Variants in ANKRD13A observed in about 807,000 individuals in gnomAD.
ANKRD13A encodes ankyrin repeat domain-containing protein 13A.
ANKRD13A carries 48 observed loss-of-function variants against 81.3 expected under a neutral mutation model. That is an observed-to-expected ratio of 0.59 (90% CI 0.47 to 0.75). The LOEUF (loss-of-function observed/expected upper bound fraction) is 0.75, where lower values mean the gene tolerates loss of function less well. Among genes scored for constraint, ANKRD13A ranks in the 30% least tolerant of loss-of-function variants. The pLI is 0.00. For synonymous variants in ANKRD13A, 230 were observed against 270.1 expected (o/e 0.85, Z 1.45); for missense variants, 612 against 734.0 (o/e 0.83, Z 1.92).
At position 110,012,876 on chromosome 12, in the gene ANKRD13A, A is replaced by G. The variant is rs190681274; in HGVS notation, c.230-249A>G. Among the ~76,000 whole-genome samples, 320 of 152,272 alleles carry G rather than the reference A, an allele frequency of 2.1e-3. 1 individual carries two copies. The highest frequency in any genetic ancestry group is 3.6e-3 in the Non-Finnish European group (242 of 68,018). On this transcript the variant is annotated intron_variant, in intron 2 of 14. Transcript: ENST00000261739. Reference sequence around the variant, plus strand: ...CCAACTGTCTAAACACATTATCAGGATTTCGCAACCAGTGGTAAGAATAGG... The same window carrying G: ...CCAACTGTCTAAACACATTATCAGGGTTTCGCAACCAGTGGTAAGAATAGG...
intron 1 of ANKRD13A, among the ~76,000 whole-genome samples, chr12:110,011,580 A>G (rs1057423954): frequency 6.6e-6 from 1 of 152,198 alleles, no homozygotes; most frequent in African/African-American, 2.4e-5. Flanking sequence ...CTGTGCTTTC[A>G]GTTTTGATTA....
intron 10 of ANKRD13A, chr12:110,029,040 C>T (rs904128079): frequency 5.6e-6 from 1 of 178,476 alleles, no homozygotes; most frequent in African/African-American, 2.4e-5. Flanking sequence ...CCAGCCTCCT[C>T]TGCCCCTTTT....
rs142742962 is a variant in ANKRD13A at position 110,033,804 on chromosome 12, C to G, written c.1356C>G (p.His452Gln). The G allele has an allele frequency of 7.9e-5, 126 of 1,598,882 alleles. No individual in the cohort carries two copies. In the African/African-American group the frequency reaches 1.7e-3, roughly 21 times the overall value. ...GGTTGCCTTTTGTTTCAGCTTCCCA[C>G]ATCACAAACTTTGAGGTTGATCAAT... is the stretch of plus-strand genomic sequence containing the variant. ...VEGTQADSAS[H>Q]ITNFEVDQSV... Residue 452 changes from histidine (H) to glutamine (Q), a missense_variant, in exon 13 of 15, where the codon CAC becomes CAG. By Grantham distance (24) the His-to-Gln change is conservative. Transcript: ENST00000261739.
intron 6 of ANKRD13A, 128 bp downstream of exon 6, chr12:110,019,456 G>A (rs2137127866): frequency 3.5e-6 from 3 of 858,534 alleles, no homozygotes; most frequent in East Asian, 2.9e-5. Flanking sequence ...ACACTAGTGG[G>A]TTTTAAGATT....
At chr12:110,006,984 C>T (rs1191254609) in intron 1 of ANKRD13A, among the ~76,000 whole-genome samples, 1 of 152,194 alleles carries the variant, frequency 6.6e-6, no homozygotes, top group Non-Finnish European at 1.5e-5. Context: ...TATTTTGGCA[C>T]CCTTGTTGAA....
chr12:110,012,232 G>A, intron 2 of ANKRD13A, 95 bp downstream of exon 2: 1 of 1,391,136 alleles, frequency 7.2e-7, no homozygotes, highest in Non-Finnish European at 9.7e-7. Context: ...AGGTGCGGTG[G>A]TGCATGTCTG....
chr12:110,028,729 C>T lies in ANKRD13A; in HGVS notation c.1076+87C>T, dbSNP rs1891497135. ...GGTGTTATGTTGGATCATTCCACTG[C>T]CCTCCCCACCACCCTTATTTTTTTT... On this transcript the variant is annotated intron_variant, in intron 10 of 14. Coordinates refer to ENST00000261739, the MANE Select transcript of ANKRD13A (RefSeq NM_033121.2). 4 of 1,543,730 alleles carry T rather than the reference C, an allele frequency of 2.6e-6. No individual in the cohort carries two copies. In the South Asian group the frequency reaches 4.7e-5, roughly 18 times the overall value.
intron 8 of ANKRD13A, 193 bp from the exon 9 acceptor site, chr12:110,027,512 G>A (rs376638028): frequency 1.6e-4 from 91 of 582,860 alleles, no homozygotes; most frequent in African/African-American, 1.4e-3. Context: ...TGTTTATCTA[G>A]TTTAGAGATC....
In ANKRD13A at chr12:110,013,209, C is replaced by T; in HGVS notation, c.314C>T (p.Ala105Val). Residue 105 changes from alanine to valine, a missense_variant, in exon 3 of 15, where the codon GCC becomes GTC. By Grantham distance (64) the Ala-to-Val change is moderately conservative. Coordinates refer to ENST00000261739, the MANE Select transcript of ANKRD13A (RefSeq NM_033121.2). Reference sequence around the variant, plus strand: ...CGAGACTACCACAACACATCCATGGCCCTTGAGGGAGTTCCTGAGCTGCTC... The same window carrying T: ...CGAGACTACCACAACACATCCATGGTCCTTGAGGGAGTTCCTGAGCTGCTC... ...QHRDYHNTSM[A>V]LEGVPELLQK... 1 of 1,614,156 alleles carries T rather than the reference C, an allele frequency of 6.2e-7. No individual in the cohort carries two copies. The highest frequency in any genetic ancestry group is 8.5e-7 in the Non-Finnish European group (1 of 1,180,022).
intron 7 of ANKRD13A, among the ~76,000 whole-genome samples, chr12:110,025,188 T>A (rs890965886): frequency 3.9e-5 from 6 of 152,234 alleles, no homozygotes; most frequent in Middle Eastern, 3.4e-3. Context: ...AAACCCCGTC[T>A]CTACTAAAAA....
chr12:110,039,017 G>A lies in ANKRD13A; in HGVS notation c.*1463G>A, dbSNP rs1385731811. The A allele has an allele frequency of 6.6e-6, 1 of 151,224 alleles. No individual in the cohort carries two copies. Among genetic ancestry groups the A allele is most frequent in the Non-Finnish European group, 1.5e-5 (1 of 67,950 alleles). 9.4% of individuals were successfully genotyped at this position (151,224 alleles called of 1,614,324 possible). On this transcript the variant is annotated 3_prime_UTR_variant, in exon 15 of 15. Transcript: ENST00000261739. Reference sequence around the variant, plus strand: ...ATACAGTTAGTGTTGCCAGTGAAACGTTCCCAGATACAAAGAATTGTGCTT... The same window carrying A: ...ATACAGTTAGTGTTGCCAGTGAAACATTCCCAGATACAAAGAATTGTGCTT...
rs1279990350 is a variant in ANKRD13A, at chr12:110,013,139, G to A, written c.244G>A (p.Val82Met). The A allele has an allele frequency of 3.1e-6, 5 of 1,614,122 alleles. No homozygotes were observed. The highest frequency in any genetic ancestry group is 4.2e-6 in the Non-Finnish European group (5 of 1,179,992). ...RQGWTVLHEA[V>M]STGDPEMVYT... is the part of the protein sequence containing the mutation. ...TTGTTTTCTAGTTTTACATGAGGCTGTGAGCACTGGCGATCCTGAGATGGT... is the reference window on the plus strand; with the variant it reads ...TTGTTTTCTAGTTTTACATGAGGCTATGAGCACTGGCGATCCTGAGATGGT... Residue 82 changes from valine (V) to methionine (M), a missense_variant, in exon 3 of 15, where the codon GTG becomes ATG. By Grantham distance (21) the Val-to-Met change is conservative (BLOSUM62 1). Coordinates refer to ENST00000261739, the MANE Select transcript of ANKRD13A (RefSeq NM_033121.2).
chr12:110,034,602 G>A (rs1005304377), intron 13 of ANKRD13A, among the ~76,000 whole-genome samples: 1 of 152,160 alleles, frequency 6.6e-6, no homozygotes, highest in African/African-American at 2.4e-5. Context: ...GTGCCCAGTA[G>A]AACAGTTGCC....
Position 109,999,934 on chromosome 12 carries a change from C to A in ANKRD13A, c.96+150C>A. The A allele has an allele frequency of 1.7e-6, 1 of 591,548 alleles. No homozygotes were observed. Among genetic ancestry groups the A allele is most frequent in the Non-Finnish European group, 2.7e-6 (1 of 368,320 alleles). 36.6% of individuals were successfully genotyped at this position (591,548 alleles called of 1,614,324 possible). ...GTGTGGGACAGTCCTAATAATAGGACACGTATCGAGTGCTTACCGTGCGAC... is the reference window on the plus strand; with the variant it reads ...GTGTGGGACAGTCCTAATAATAGGAAACGTATCGAGTGCTTACCGTGCGAC... On this transcript the variant is annotated intron_variant, in intron 1 of 14. Transcript: ENST00000261739. This position sits in a 1 kb window ranked among gnomAD's most constrained non-coding sequence, Gnocchi z 4.3.
chr12:110,018,539 A>T lies in ANKRD13A; in HGVS notation c.544+51A>T. 6.3e-7 allele frequency: 1 copy of T among 1,582,856 alleles called. No individual in the cohort carries two copies. Among genetic ancestry groups the T allele is most frequent in the East Asian group, 2.3e-5 (1 of 44,112 alleles). Reference sequence around the variant, plus strand: ...ACTGCTCAAGCAAAATTACAGGGTGATTTTTAACCAAGAAAATGCTTTCAC... The same window carrying T: ...ACTGCTCAAGCAAAATTACAGGGTGTTTTTTAACCAAGAAAATGCTTTCAC... On this transcript the variant is annotated intron_variant, in intron 5 of 14. Coordinates refer to ENST00000261739, the MANE Select transcript of ANKRD13A (RefSeq NM_033121.2). The surrounding 1 kb of genome is among the most constrained non-coding windows in gnomAD (Gnocchi z 4.4).
chr12:110,009,769 G>A (rs538052792), intron 1 of ANKRD13A, among the ~76,000 whole-genome samples: 1 of 152,176 alleles, frequency 6.6e-6, no homozygotes, highest in Non-Finnish European at 1.5e-5. Flanking sequence ...GTGGTCCGAA[G>A]TAGAAAAAAA....
At chr12:110,000,207 G>C (rs1452831495) in intron 1 of ANKRD13A, among the ~76,000 whole-genome samples, 2 of 152,196 alleles carry the variant, frequency 1.3e-5, no homozygotes, top group Non-Finnish European at 2.9e-5. Context: ...CTTGTTGTAA[G>C]GAAGGGCTTG....
intron 2 of ANKRD13A, among the ~76,000 whole-genome samples, 153 bp downstream of exon 2, chr12:110,012,290 G>A (rs534389617): frequency 1.3e-5 from 2 of 152,104 alleles, no homozygotes; most frequent in Admixed American, 6.5e-5. Context: ...ACCTGAGCCC[G>A]GGGAGGTTGA....
Position 110,030,772 on chromosome 12 carries a change from T to G in ANKRD13A, c.1348+14T>G, listed in dbSNP as rs1048892506. 7 of 1,530,988 alleles carry G rather than the reference T, an allele frequency of 4.6e-6. No individual in the cohort carries two copies. In the African/African-American group the frequency reaches 9.8e-5, roughly 21 times the overall value. 94.8% of individuals were successfully genotyped at this position (1,530,988 alleles called of 1,614,324 possible). On this transcript the variant is annotated intron_variant, in intron 12 of 14. Transcript: ENST00000261739. ...AGGCTGATTCAGGTAAAAAAATAAA[T>G]AAATACAAAGTTTAGTTTTGTTATT...
Sources: allele counts gnomAD v4.1 joint callset (sites outside exome capture counted in the v4.1 genomes callset), GRCh38; gene constraint gnomAD v4.1.1; non-coding constraint Gnocchi (gnomAD v3.1); transcripts MANE v1.5; gene names NCBI Gene and HGNC (gene_info 2026-07-23, HGNC 2026-07-21).